PLCB4: variants seen among roughly 807,000 people sequenced by gnomAD.
The protein encoded by PLCB4 is 1-phosphatidylinositol 4,5-bisphosphate phosphodiesterase beta-4.
PLCB4 carries 77 observed loss-of-function variants against 178.8 expected under a neutral mutation model. The ratio of observed to expected loss-of-function variants is 0.43; its 90% CI spans 0.36 to 0.52. The LOEUF (loss-of-function observed/expected upper bound fraction) is 0.52. PLCB4 is among the 20% of genes least tolerant of loss of function. PLCB4 has a pLI of 0.00. For missense variants in PLCB4, 1,024 were observed against 1,453.4 expected (o/e 0.70, Z 4.80); for synonymous variants, 496 against 490.8 (o/e 1.01, Z -0.14).
chr20:9,378,340 C>T (rs948999297), intron 12 of PLCB4, among the ~76,000 whole-genome samples: 1 of 152,064 alleles, frequency 6.6e-6, no homozygotes, highest in Non-Finnish European at 1.5e-5. Context: ...CTAAAAAGGA[C>T]CTTTTTCATC....
intron 3 of PLCB4, among the ~76,000 whole-genome samples, chr20:9,282,938 A>G (rs2094506742): frequency 6.6e-6 from 1 of 152,162 alleles, no homozygotes; most frequent in Middle Eastern, 3.4e-3. Context: ...AGGAAACCCC[A>G]ATGTACAAGT....
At chr20:9,085,316 GT>G (rs1359854558) in intron 1 of PLCB4, among the ~76,000 whole-genome samples, 5 of 152,096 alleles carry the variant, frequency 3.3e-5, no homozygotes, top group Non-Finnish European at 5.9e-5. Context: ...GGTCATTTGA[GT>G]TTATTTGAAT....
chr20:9,150,659 C>T (rs1445416667), intron 2 of PLCB4, among the ~76,000 whole-genome samples: 2 of 151,998 alleles, frequency 1.3e-5, no homozygotes, highest in African/African-American at 2.4e-5. Context: ...TAGAAGGAGG[C>T]CTGAGGTCAG....
intron 2 of PLCB4, among the ~76,000 whole-genome samples, chr20:9,159,944 T>C (rs1450165336): frequency 1.3e-5 from 2 of 152,198 alleles, no homozygotes; most frequent in Non-Finnish European, 2.9e-5. Context: ...AGAAGGCTTC[T>C]GATAGATTTT....
chr20:9,080,552 G>A (rs1351523789), intron 1 of PLCB4, among the ~76,000 whole-genome samples: 1 of 152,044 alleles, frequency 6.6e-6, no homozygotes, highest in African/African-American at 2.4e-5. Context: ...CAAGGGTTTG[G>A]TTGTCCATTA....
chr20:9,341,392 A>T (rs890234543), intron 7 of PLCB4, among the ~76,000 whole-genome samples: 1 of 152,192 alleles, frequency 6.6e-6, no homozygotes, highest in African/African-American at 2.4e-5. Context: ...GTCAATTCAC[A>T]TACTTTTTGT....
At chr20:9,156,829 C>CTCCCTCCCTCCCTCCCTCCCTCCG (rs2092797291) in intron 2 of PLCB4, among the ~76,000 whole-genome samples, 1 of 111,486 alleles carries the variant, frequency 9.0e-6, no homozygotes, top group Non-Finnish European at 1.9e-5. Context: ...GCCTCCCTCC[C>CTCCCTCCCTCCCTCCCTCCCTCCG]TCCCTCCCTC....
intron 3 of PLCB4, among the ~76,000 whole-genome samples, chr20:9,256,875 A>G (rs1283001496): frequency 1.3e-5 from 2 of 152,324 alleles, no homozygotes; most frequent in East Asian, 1.9e-4. Context: ...CTTTGTTTAC[A>G]TGTGACTCTA....
intron 4 of PLCB4, among the ~76,000 whole-genome samples, chr20:9,325,138 C>A (rs796068133): frequency 6.6e-6 from 1 of 152,198 alleles, no homozygotes; most frequent in Non-Finnish European, 1.5e-5. Context: ...AAGAGAAGAA[C>A]TTATCAGTTT....
In PLCB4 at chr20:9,356,750, T is replaced by C. The variant is rs6056572; in HGVS notation, c.370-6146T>C. On this transcript the variant is annotated intron_variant, in intron 7 of 39. Transcript: ENST00000378473. ...TATTATTTGAGCAGATTAAAACTGA[T>C]GGATAGAGCAATTTAGGCACCTTGA... Among the ~76,000 whole-genome samples, 541 of 152,320 alleles carry C rather than the reference T, an allele frequency of 3.6e-3. 5 individuals are homozygous for C. Among genetic ancestry groups the C allele is most frequent in the African/African-American group, 0.012 (501 of 41,552 alleles).
intron 25 of PLCB4, among the ~76,000 whole-genome samples, chr20:9,413,529 G>A (rs1189553755): frequency 2.0e-5 from 3 of 151,764 alleles, no homozygotes; most frequent in Admixed American, 2.0e-4. Context: ...CGTGGTGGCG[G>A]GCACCTGTAG....
chr20:9,332,251 A>G (rs2031788588), intron 4 of PLCB4, among the ~76,000 whole-genome samples: 1 of 152,146 alleles, frequency 6.6e-6, no homozygotes, highest in South Asian at 2.1e-4. Context: ...GGACTTCACA[A>G]TAGCCTGGCC....
At chr20:9,431,810 T>C (rs1026923725) in intron 28 of PLCB4, among the ~76,000 whole-genome samples, 2 of 152,096 alleles carry the variant, frequency 1.3e-5, no homozygotes, top group Admixed American at 1.3e-4. Context: ...GTGACCGGCC[T>C]CCGCTTTATT....
chr20:9,283,149 C>T (rs1471604105), intron 3 of PLCB4, among the ~76,000 whole-genome samples: 1 of 151,824 alleles, frequency 6.6e-6, no homozygotes, highest in African/African-American at 2.4e-5. Flanking sequence ...TAAATATATC[C>T]CCCCAGAAGG....
chr20:9,150,654 G>A (rs2092676482), intron 2 of PLCB4, among the ~76,000 whole-genome samples: 1 of 152,084 alleles, frequency 6.6e-6, no homozygotes. Flanking sequence ...TAGTTTAGAA[G>A]GAGGCCTGAG....
rs77377234 is a variant in PLCB4, at chr20:9,346,888, G to A, written c.369+7851G>A. Among the ~76,000 whole-genome samples, 2,128 of 152,258 alleles carry A rather than the reference G, an allele frequency of 0.014. 128 individuals are homozygous for A. In the East Asian group the frequency reaches 0.18, roughly 13 times the overall value. On this transcript the variant is annotated intron_variant, in intron 7 of 39. Coordinates refer to ENST00000378473, the MANE Select transcript of PLCB4 (RefSeq NM_001377142.1). ...CTGTGGTCATCAGAGAATCTGTGGA[G>A]CTGGTGAAATCAGTCTCCTGGGGCC...
chr20:9,406,401 T>C (rs2039438139), intron 21 of PLCB4, among the ~76,000 whole-genome samples: 1 of 152,114 alleles, frequency 6.6e-6, no homozygotes, highest in South Asian at 2.1e-4. Flanking sequence ...CATTACTTGA[T>C]TATTGTTTCA....
At chr20:9,368,316 C>T (rs965212219) in intron 9 of PLCB4, among the ~76,000 whole-genome samples, 2 of 152,208 alleles carry the variant, frequency 1.3e-5, no homozygotes, top group African/African-American at 4.8e-5. Flanking sequence ...CCCATGCAGT[C>T]TGCCTTTCTC....
chr20:9,203,180 C>A (rs1382561172), intron 2 of PLCB4, among the ~76,000 whole-genome samples: 3 of 151,552 alleles, frequency 2.0e-5, no homozygotes, highest in Admixed American at 2.0e-4. Flanking sequence ...TCTGTTCTCA[C>A]TTACTGGCTA....
Sources: allele counts gnomAD v4.1 joint callset (sites outside exome capture counted in the v4.1 genomes callset), GRCh38; gene constraint gnomAD v4.1.1; transcripts MANE v1.5; gene names NCBI Gene and HGNC (gene_info 2026-07-23, HGNC 2026-07-21).